The following CATSPERB variants were observed in gnomAD, a reference collection of about 807,000 sequenced individuals.
CATSPERB encodes catsper channel auxiliary subunit beta.
CATSPERB carries 93 observed loss-of-function variants against 128.3 expected under a neutral mutation model. That is an observed-to-expected ratio of 0.72 (90% CI 0.61 to 0.86). The LOEUF (loss-of-function observed/expected upper bound fraction) is 0.86, where lower values mean the gene tolerates loss of function less well. CATSPERB is among the 40% of genes least tolerant of loss of function. The probability of loss-of-function intolerance (pLI) is 0.00; values close to 1 mark genes in which losing one functional copy is unlikely to be tolerated. For synonymous variants in CATSPERB, 381 were observed against 448.8 expected, an observed-to-expected ratio of 0.85 and a Z score of 1.91; for missense variants, 1,153 against 1,329.5, an observed-to-expected ratio of 0.87 and a Z score of 2.06.
chr14:91,711,178 A>G (rs1041362923), intron 5 of CATSPERB, among the ~76,000 whole-genome samples: 4 of 152,120 alleles, frequency 2.6e-5, no homozygotes, highest in Admixed American at 6.6e-5. Flanking sequence ...TTATATTTTC[A>G]TCATGAGTTA....
chr14:91,640,242 TTATTTTTTTA>T (rs1163844226), intron 15 of CATSPERB, among the ~76,000 whole-genome samples: 104 of 142,990 alleles, frequency 7.3e-4, no homozygotes, highest in African/African-American at 1.4e-3. Flanking sequence ...GTCATTCTTT[TTATTTTTTTA>T]TTTTTTTTTT....
chr14:91,625,531 T>C (rs1255741947), intron 17 of CATSPERB, among the ~76,000 whole-genome samples: 9 of 152,210 alleles, frequency 5.9e-5, no homozygotes, highest in African/African-American at 2.2e-4. Context: ...ATGCAATGAT[T>C]AAAAGGGTGT....
chr14:91,665,112 C>T (rs185114702), intron 14 of CATSPERB, among the ~76,000 whole-genome samples: 149 of 152,176 alleles, frequency 9.8e-4, no homozygotes, highest in African/African-American at 3.4e-3. Flanking sequence ...AAGCTCGTCG[C>T]GAACTCCTGA....
At chr14:91,666,444 C>T (rs1014323580) in intron 14 of CATSPERB, among the ~76,000 whole-genome samples, 5 of 152,096 alleles carry the variant, frequency 3.3e-5, no homozygotes, top group Non-Finnish European at 5.9e-5. Context: ...TAAAGCAGGC[C>T]CTAGTACAAG....
At chr14:91,625,728 G>A (rs994230358) in intron 17 of CATSPERB, among the ~76,000 whole-genome samples, 5 of 152,208 alleles carry the variant, frequency 3.3e-5, no homozygotes, top group African/African-American at 1.2e-4. Flanking sequence ...TACTGAGCAT[G>A]TATTAACTTT....
intron 10 of CATSPERB, among the ~76,000 whole-genome samples, chr14:91,686,195 A>G (rs1476595526): frequency 6.6e-6 from 1 of 152,136 alleles, no homozygotes; most frequent in Non-Finnish European, 1.5e-5. Context: ...AGCACTTATT[A>G]CTATCTAAAA....
intron 20 of CATSPERB, among the ~76,000 whole-genome samples, chr14:91,613,621 C>T (rs1317779137): frequency 6.6e-6 from 1 of 152,160 alleles, no homozygotes; most frequent in East Asian, 1.9e-4. Flanking sequence ...GCACTGCCCA[C>T]TGATTGTCAG....
At chr14:91,605,289 G>A (rs1893679291) in intron 22 of CATSPERB, 1 of 1,012,060 alleles carries the variant, frequency 9.9e-7, no homozygotes. Context: ...GAGCAAGGCA[G>A]GCTTTGTGAA....
intron 21 of CATSPERB, among the ~76,000 whole-genome samples, chr14:91,609,865 C>T (rs893588931): frequency 2.0e-5 from 3 of 152,102 alleles, no homozygotes; most frequent in Admixed American, 1.3e-4. Flanking sequence ...GGATTACAGG[C>T]GCGTGCCACC....
At chr14:91,637,066 T>C (rs562014075) in intron 16 of CATSPERB, among the ~76,000 whole-genome samples, 3 of 152,340 alleles carry the variant, frequency 2.0e-5, no homozygotes, top group Admixed American at 1.3e-4. Context: ...AGACCTCCCC[T>C]TGCAGTCTAC....
rs189254886 is a variant in CATSPERB at position 91,724,648 on chromosome 14, C to T, written c.168+432G>A. Among the ~76,000 whole-genome samples, 1,031 of 152,090 alleles carry T rather than the reference C, an allele frequency of 6.8e-3. 7 individuals are homozygous for T. Among genetic ancestry groups the T allele is most frequent in the South Asian group, 0.021 (103 of 4,810 alleles). On this transcript the variant is annotated intron_variant, in intron 3 of 26. Transcript: ENST00000256343. ...TTGTGTGTGTTTTTAAAAAGTCTCC[C>T]ATTATTTGAATCAAAGGATCATATC...
At chr14:91,595,376 C>T (rs1285640) in intron 22 of CATSPERB, among the ~76,000 whole-genome samples, 90,577 of 151,198 alleles carry the variant, frequency 0.6, 27,774 homozygotes, top group East Asian at 0.94. Context: ...ACCGTGTTAG[C>T]CAGGATGGTC....
At position 91,693,171 on chromosome 14, in the gene CATSPERB, A is replaced by G; in HGVS notation, c.786T>C (p.Leu262=). The G allele has an allele frequency of 6.2e-7, 1 of 1,613,936 alleles. No homozygotes were observed. Among genetic ancestry groups the G allele is most frequent in the Non-Finnish European group, 8.5e-7 (1 of 1,179,888 alleles). The change falls in exon 9 of 27, where the codon CTT becomes CTC. Residue 262 remains leucine, a synonymous_variant. Coordinates refer to ENST00000256343, the MANE Select transcript of CATSPERB (RefSeq NM_024764.4). ...HFLVILTSLG[L]FVSEDLRYPS... ...GATAACGAAGATCTTCACTTACAAAAAGGCCCAAAGAGGTGAGGATAACTA... is the reference window on the plus strand; with the variant it reads ...GATAACGAAGATCTTCACTTACAAAGAGGCCCAAAGAGGTGAGGATAACTA...
chr14:91,623,813 C>T (rs1205668746), intron 18 of CATSPERB, among the ~76,000 whole-genome samples: 3 of 152,096 alleles, frequency 2.0e-5, no homozygotes, highest in Non-Finnish European at 4.4e-5. Flanking sequence ...AAACCTAAAC[C>T]CTTAGAATAA....
intron 26 of CATSPERB, among the ~76,000 whole-genome samples, chr14:91,586,571 A>AGAGAGAGAGAGAGAGAGAG (rs374162982): frequency 4.4e-5 from 5 of 114,192 alleles, no homozygotes; most frequent in Admixed American, 1.0e-4. Flanking sequence ...GAGAGAGAGA[A>AGAGAGAGAGAGAGAGAGAG]AGAGAGAGAG....
At chr14:91,693,008 A>T (rs1426592814) in intron 9 of CATSPERB, 118 bp downstream of exon 9, 1 of 749,298 alleles carries the variant, frequency 1.3e-6, no homozygotes, top group African/African-American at 1.8e-5. Flanking sequence ...ATGTTTTTCG[A>T]AAGAAAGAAG....
chr14:91,678,241 A>C (rs537676724), intron 11 of CATSPERB, among the ~76,000 whole-genome samples: 1 of 152,322 alleles, frequency 6.6e-6, no homozygotes, highest in South Asian at 2.1e-4. Context: ...CTTAAAGTAA[A>C]ATAAAAAACA....
chr14:91,693,065 T>G, intron 9 of CATSPERB, 61 bp downstream of exon 9: 1 of 1,150,024 alleles, frequency 8.7e-7, no homozygotes, highest in Non-Finnish European at 1.3e-6. Context: ...TATTAAATAT[T>G]TCTTTTTGTG....
intron 5 of CATSPERB, 66 bp downstream of exon 5, chr14:91,719,352 T>G: frequency 8.7e-7 from 1 of 1,153,800 alleles, no homozygotes; most frequent in Non-Finnish European, 1.2e-6. Context: ...TAATAAATTC[T>G]TTTTGTTCTT....
Sources: allele counts gnomAD v4.1 joint callset (sites outside exome capture counted in the v4.1 genomes callset), GRCh38; gene constraint gnomAD v4.1.1; transcripts MANE v1.5; gene names NCBI Gene and HGNC (gene_info 2026-07-23, HGNC 2026-07-21).